The following GSG1L variants were observed in gnomAD, a reference collection of about 807,000 sequenced individuals.
GSG1L encodes the protein germ cell-specific gene 1-like protein.
A neutral mutation model predicts 42.1 loss-of-function variants in GSG1L; 24 were observed. That is an observed-to-expected ratio of 0.57 (90% CI 0.41 to 0.80). The LOEUF is 0.80. Among genes scored for constraint, GSG1L ranks in the 30% least tolerant of loss-of-function variants. GSG1L has a pLI of 0.00. For synonymous variants in GSG1L, 215 were observed against 203.5 expected (o/e 1.06, Z -0.48); for missense variants, 445 against 472.2 (o/e 0.94, Z 0.53).
chr16:28,034,352 A>G (rs1381724318), intron 1 of GSG1L, among the ~76,000 whole-genome samples: 1 of 152,040 alleles, frequency 6.6e-6, no homozygotes, highest in Admixed American at 6.6e-5. Flanking sequence ...TTGGGATTCA[A>G]AAATGAATTG....
chr16:27,878,393 C>G (rs2083913238), intron 3 of GSG1L, among the ~76,000 whole-genome samples: 1 of 152,102 alleles, frequency 6.6e-6, no homozygotes, highest in Admixed American at 6.6e-5. Flanking sequence ...AAGTAGGAAC[C>G]CCTTATGAAA....
chr16:28,006,153 C>T (rs886875422), intron 1 of GSG1L, among the ~76,000 whole-genome samples: 5 of 152,290 alleles, frequency 3.3e-5, no homozygotes, highest in South Asian at 2.1e-4. Flanking sequence ...AACAGCCCTT[C>T]GTTTGCAGCC....
chr16:27,826,800 C>T (rs960547654), intron 5 of GSG1L, among the ~76,000 whole-genome samples: 1 of 152,206 alleles, frequency 6.6e-6, no homozygotes, highest in Admixed American at 6.5e-5. Flanking sequence ...CAAAGAGGGT[C>T]CTCAAGGCTG....
At chr16:28,015,295 G>C (rs1272483140) in intron 1 of GSG1L, among the ~76,000 whole-genome samples, 1 of 152,240 alleles carries the variant, frequency 6.6e-6, no homozygotes, top group Non-Finnish European at 1.5e-5. Flanking sequence ...CTTGACGCCA[G>C]GAGTTTGGGA....
At chr16:27,979,933 G>A (rs1210905486) in intron 1 of GSG1L, among the ~76,000 whole-genome samples, 1 of 152,104 alleles carries the variant, frequency 6.6e-6, no homozygotes, top group African/African-American at 2.4e-5. Flanking sequence ...GAGAAAGTGT[G>A]TGAAAATGGC....
chr16:27,827,230 G>A (rs570410770), intron 5 of GSG1L, among the ~76,000 whole-genome samples: 1 of 152,204 alleles, frequency 6.6e-6, no homozygotes, highest in Non-Finnish European at 1.5e-5. Context: ...TAGGGCTGCT[G>A]TTCTATATCC....
chr16:28,047,400 TA>T lies in GSG1L; in HGVS notation c.349+15675del, dbSNP rs572999593. ...AAACCTAATCTATATAGTAAAAGAT[TA>T]AAAAAAAACTAAAAATTGGGAACAT... On this transcript the variant is annotated intron_variant, in intron 1 of 6. Coordinates refer to ENST00000447459, the MANE Select transcript of GSG1L (RefSeq NM_001109763.2). Among the ~76,000 whole-genome samples the T allele has an allele frequency of 1.5e-4, 22 of 151,436 alleles. No homozygotes were observed. The East Asian group carries it at 1.9e-3, about 13-fold the overall frequency.
At position 27,851,380 on chromosome 16, in the gene GSG1L, G is replaced by T. The variant is rs139747566; in HGVS notation, c.551-6319C>A. Among the ~76,000 whole-genome samples, 533 of 152,052 alleles carry T rather than the reference G, an allele frequency of 3.5e-3. 2 individuals are homozygous for T. The highest frequency in any genetic ancestry group is 0.012 in the African/African-American group (500 of 41,450). ...CCTGGCTGACATTTTTATTTTTGTA[G>T]AAACAGGGTCTCATTATGTTGTCCA... On this transcript the variant is annotated intron_variant, in intron 3 of 6. Coordinates refer to ENST00000447459, the MANE Select transcript of GSG1L (RefSeq NM_001109763.2).
At chr16:27,821,006 G>A (rs900546367) in intron 5 of GSG1L, among the ~76,000 whole-genome samples, 1 of 152,108 alleles carries the variant, frequency 6.6e-6, no homozygotes, top group Admixed American at 6.5e-5. Context: ...ACCCACTGCC[G>A]ATCTGTCTGG....
chr16:27,814,332 G>T (rs534245920), intron 5 of GSG1L, among the ~76,000 whole-genome samples: 9 of 152,142 alleles, frequency 5.9e-5, no homozygotes, highest in African/African-American at 1.7e-4. Flanking sequence ...GGCTGGTCTC[G>T]AACTCCTGGC....
At chr16:28,057,394 G>C (rs1430790717) in intron 1 of GSG1L, among the ~76,000 whole-genome samples, 1 of 152,168 alleles carries the variant, frequency 6.6e-6, no homozygotes, top group Non-Finnish European at 1.5e-5. Flanking sequence ...TAGAAGGGAA[G>C]GGCGGCAATT....
At chr16:27,819,943 C>T (rs1303644772) in intron 5 of GSG1L, among the ~76,000 whole-genome samples, 6 of 151,970 alleles carry the variant, frequency 3.9e-5, no homozygotes, top group Non-Finnish European at 7.4e-5. Flanking sequence ...CAGACTAGGA[C>T]GATGGAAGTG....
At chr16:27,845,748 C>T (rs764572617) in intron 3 of GSG1L, among the ~76,000 whole-genome samples, 3 of 152,132 alleles carry the variant, frequency 2.0e-5, no homozygotes, top group Admixed American at 2.0e-4. Flanking sequence ...CATTTATTAA[C>T]CACTTCTAGT....
At chr16:28,012,315 C>T (rs1455945967) in intron 1 of GSG1L, among the ~76,000 whole-genome samples, 1 of 152,138 alleles carries the variant, frequency 6.6e-6, no homozygotes, top group Non-Finnish European at 1.5e-5. Flanking sequence ...TTGCATTAGC[C>T]TGTGAAAGCA....
At chr16:27,848,854 AAAGGCTGGGGCTG>A (rs956189684) in intron 3 of GSG1L, among the ~76,000 whole-genome samples, 6 of 152,038 alleles carry the variant, frequency 3.9e-5, no homozygotes, top group Non-Finnish European at 7.4e-5. Flanking sequence ...AAGCCTGGGC[AAAGGCTGGGGCTG>A]AAGGCTGGGA....
chr16:27,859,233 T>C (rs563982316), intron 3 of GSG1L, among the ~76,000 whole-genome samples: 4 of 152,284 alleles, frequency 2.6e-5, no homozygotes, highest in South Asian at 2.1e-4. Context: ...GGGGCGCTCA[T>C]AGAGGGGCCT....
intron 1 of GSG1L, among the ~76,000 whole-genome samples, chr16:28,024,456 A>C (rs1428266609): frequency 6.6e-6 from 1 of 152,244 alleles, no homozygotes; most frequent in Non-Finnish European, 1.5e-5. Flanking sequence ...GGGAGTGAAA[A>C]ATAAAACAAT....
rs867273348 is a variant in GSG1L at position 27,963,171 on chromosome 16, G to A, written c.382C>T (p.Pro128Ser). Residue 128 changes from proline to serine, a missense_variant, in exon 2 of 7, where the codon CCG becomes TCG. Pro to Ser is a moderately conservative substitution (Grantham distance 74). Coordinates refer to ENST00000447459, the MANE Select transcript of GSG1L (RefSeq NM_001109763.2). ...EKCRSFIDLA[P>S]ASEKGVLWLS... ...TCACACTCACCTTTCTCCGATGCCG[G>A]GGCCAGGTCAATGAAGCTGCGACAT... 1 of 1,613,874 alleles carries A rather than the reference G, an allele frequency of 6.2e-7. No individual in the cohort carries two copies. The highest frequency in any genetic ancestry group is 8.5e-7 in the Non-Finnish European group (1 of 1,179,780).
At chr16:27,911,997 G>A (rs1203902942) in intron 2 of GSG1L, among the ~76,000 whole-genome samples, 3 of 152,144 alleles carry the variant, frequency 2.0e-5, no homozygotes, top group Admixed American at 6.5e-5. Context: ...CACATAGCAG[G>A]CATTCCTTAA....
Sources: allele counts gnomAD v4.1 joint callset (sites outside exome capture counted in the v4.1 genomes callset), GRCh38; gene constraint gnomAD v4.1.1; transcripts MANE v1.5; gene names NCBI Gene and HGNC (gene_info 2026-07-23, HGNC 2026-07-21).